TNPO1: variants seen among roughly 807,000 people sequenced by gnomAD.
TNPO1 encodes transportin-1.
A neutral mutation model predicts 119.5 loss-of-function variants in TNPO1; 8 were observed. The observed-to-expected ratio is 0.07, with a 90% confidence interval of 0.04 to 0.12. TNPO1 has a LOEUF of 0.12. Ranked by LOEUF, TNPO1 falls within the 10% of genes least tolerant of loss-of-function variation. TNPO1 has a pLI of 1.00. For missense variants in TNPO1, 576 were observed against 1,089.8 expected (o/e 0.53, Z 6.64); for synonymous variants, 362 against 363.0 (o/e 1.00, Z 0.03).
chr5:72,863,950 G>T (rs1313760149), intron 5 of TNPO1, among the ~76,000 whole-genome samples: 13 of 152,142 alleles, frequency 8.5e-5, no homozygotes, highest in Non-Finnish European at 2.9e-5. Flanking sequence ...TTGAGCTAGT[G>T]TACTACATAG....
chr5:72,879,134 G>A (rs926437226), intron 9 of TNPO1: 1 of 202,176 alleles, frequency 4.9e-6, no homozygotes, highest in Non-Finnish European at 1.1e-5. Context: ...TGGTTCTGGA[G>A]ACCCTGCTTT....
intron 5 of TNPO1, among the ~76,000 whole-genome samples, chr5:72,864,269 A>G (rs1746716448): frequency 6.6e-6 from 1 of 152,214 alleles, no homozygotes; most frequent in Non-Finnish European, 1.5e-5. Flanking sequence ...AAATATTTTC[A>G]GATTTAATAT....
chr5:72,906,261 T>G (rs1234507589), intron 24 of TNPO1, among the ~76,000 whole-genome samples: 2 of 117,592 alleles, frequency 1.7e-5, no homozygotes, highest in East Asian at 2.9e-4. Flanking sequence ...CATGTGCCCA[T>G]CACTTTTTTT....
intron 21 of TNPO1, 74 bp from the exon 22 acceptor site, chr5:72,900,900 A>G (rs2112488801): frequency 2.0e-6 from 2 of 986,132 alleles, no homozygotes; most frequent in East Asian, 2.6e-5. Context: ...TTATTCCATT[A>G]AATACTGTCC....
intron 1 of TNPO1, among the ~76,000 whole-genome samples, chr5:72,837,733 A>G (rs1321780866): frequency 3.3e-5 from 5 of 152,204 alleles, no homozygotes. Context: ...TGTGCAGGGA[A>G]CAAACATTAA....
Position 72,888,231 on chromosome 5 carries a change from T to C in TNPO1, c.1457T>C (p.Leu486Pro). 6.2e-7 allele frequency: 1 copy of C among 1,614,136 alleles called. No homozygotes were observed. The highest frequency in any genetic ancestry group is 8.5e-7 in the Non-Finnish European group (1 of 1,180,024). Reference protein sequence around the residue: ...WVVSQPPDTYLKPLMTELLKR... With the variant: ...WVVSQPPDTYPKPLMTELLKR... ...GTCAGCCAGCCGCCAGACACGTACC[T>C]GAAGCCATTAATGACAGAATTGCTA... Residue 486 changes from leucine (L) to proline (P), a missense_variant, in exon 13 of 25, where the codon CTG becomes CCG. By Grantham distance (98) the Leu-to-Pro change is moderately conservative. This residue lies in a region of TNPO1 where 310 missense variants were observed against 583.0 expected (regional missense o/e 0.53). Coordinates refer to ENST00000337273, the MANE Select transcript of TNPO1 (RefSeq NM_002270.4).
At chr5:72,872,327 G>A (rs1461183381) in intron 6 of TNPO1, among the ~76,000 whole-genome samples, 1 of 151,690 alleles carries the variant, frequency 6.6e-6, no homozygotes, top group Non-Finnish European at 1.5e-5. Flanking sequence ...AAATCTGTAG[G>A]CATCTAAAAA....
chr5:72,910,460 G>C lies in TNPO1; in HGVS notation c.*1787G>C, dbSNP rs1446101184. On this transcript the variant is annotated 3_prime_UTR_variant, in exon 25 of 25. Transcript: ENST00000337273. ...TTGCCTGAACAGTGTATCCCATGAT[G>C]ATGAAGGAAAATGGAGAGATTTTTC... is the stretch of plus-strand genomic sequence containing the variant. 1.3e-5 allele frequency: 2 copies of C among 152,708 alleles called. No individual in the cohort carries two copies. The highest frequency in any genetic ancestry group is 3.9e-4 in the East Asian group (2 of 5,188). The allele number at this position is 152,708 out of a possible 1,614,324, so 9.5% of individuals were successfully genotyped here. A position where few individuals can be genotyped will look rare whatever the true frequency, so the allele number is the denominator to read the frequency against.
At chr5:72,827,782 T>G (rs1228346653) in intron 1 of TNPO1, among the ~76,000 whole-genome samples, 1 of 151,910 alleles carries the variant, frequency 6.6e-6, no homozygotes, top group Non-Finnish European at 1.5e-5. Context: ...TAGCTGGGCA[T>G]GGTGGCATGT....
chr5:72,855,065 C>G (rs1014527161), intron 3 of TNPO1, among the ~76,000 whole-genome samples: 15 of 152,066 alleles, frequency 9.9e-5, no homozygotes, highest in Non-Finnish European at 2.2e-4. Context: ...ATCTTGGCTT[C>G]TCTGCTTGCA....
Position 72,855,936 on chromosome 5 carries a change from A to G in TNPO1, c.355+13A>G, listed in dbSNP as rs1745964966. 6 of 1,611,724 alleles carry G rather than the reference A, an allele frequency of 3.7e-6. No individual in the cohort carries two copies. Among genetic ancestry groups the G allele is most frequent in the Non-Finnish European group, 5.1e-6 (6 of 1,178,758 alleles). On this transcript the variant is annotated intron_variant, in intron 4 of 24. Coordinates refer to ENST00000337273, the MANE Select transcript of TNPO1 (RefSeq NM_002270.4). Reference sequence around the variant, plus strand: ...AGAGCCACTGTTGGTAAGTTATATTACAACAGTTTTGCTTACTTTGTTTGT... The same window carrying G: ...AGAGCCACTGTTGGTAAGTTATATTGCAACAGTTTTGCTTACTTTGTTTGT...
rs1748801415 is a variant in TNPO1, at chr5:72,888,283, A to G, written c.1509A>G (p.Arg503=). The G allele has an allele frequency of 1.2e-6, 2 of 1,614,108 alleles. No individual in the cohort carries two copies. The highest frequency in any genetic ancestry group is 1.7e-6 in the Non-Finnish European group (2 of 1,179,972). Residue 503 remains arginine (R), a synonymous_variant, in exon 13 of 25, where the codon AGA becomes AGG. Coordinates refer to ENST00000337273, the MANE Select transcript of TNPO1 (RefSeq NM_002270.4). ...LLKRILDSNK[R]VQEAACSAFA... is the part of the protein sequence containing the mutation. ...AGCGCATCCTGGACAGCAACAAGAG[A>G]GTACAAGAAGCTGCCTGCAGGTGGG...
chr5:72,848,306 T>C, intron 1 of TNPO1, 79 bp from the exon 2 acceptor site: 2 of 1,423,840 alleles, frequency 1.4e-6, no homozygotes, highest in Middle Eastern at 1.9e-4. Flanking sequence ...ACGGGTCAGC[T>C]GCGCGCGGGA....
At chr5:72,894,572 G>C (rs1346305888) in intron 18 of TNPO1, among the ~76,000 whole-genome samples, 1 of 152,192 alleles carries the variant, frequency 6.6e-6, no homozygotes, top group Non-Finnish European at 1.5e-5. Flanking sequence ...TTGGGAAACT[G>C]AGGCAGGAAA....
intron 1 of TNPO1, among the ~76,000 whole-genome samples, chr5:72,828,811 A>T (rs1025048864): frequency 2.0e-5 from 3 of 152,150 alleles, no homozygotes; most frequent in Non-Finnish European, 2.9e-5. Flanking sequence ...AGGTATTTGC[A>T]ATGATCGTTA....
In TNPO1 at chr5:72,865,583, G is replaced by A. The variant is rs767275063; in HGVS notation, c.463-13G>A. ...TTTAACAAATTCTGATAATTTAAAT[G>A]TGTCTCTTACAGGGAGCATTTGGTG... On this transcript the variant is annotated splice_polypyrimidine_tract_variant and intron_variant, in intron 5 of 24. Transcript: ENST00000337273. The A allele has an allele frequency of 1.2e-6, 2 of 1,606,340 alleles. No individual in the cohort carries two copies. Among genetic ancestry groups the A allele is most frequent in the African/African-American group, 1.3e-5 (1 of 74,486 alleles).
At chr5:72,901,375 C>T (rs1478355255) in intron 22 of TNPO1, among the ~76,000 whole-genome samples, 4 of 152,034 alleles carry the variant, frequency 2.6e-5, no homozygotes, top group African/African-American at 9.7e-5. Flanking sequence ...TACTTTGTCC[C>T]TGCCTCCCAT....
chr5:72,828,277 TG>T (rs1335098830), intron 1 of TNPO1, among the ~76,000 whole-genome samples: 1 of 152,266 alleles, frequency 6.6e-6, no homozygotes, highest in Admixed American at 6.5e-5. Flanking sequence ...TGGAGTACAA[TG>T]GGAGACAGTG....
At position 72,913,913 on chromosome 5, in the gene TNPO1, CG is replaced by C. The variant is rs1750720596; in HGVS notation, c.*5241del. 1 of 152,464 alleles carries C rather than the reference CG, an allele frequency of 6.6e-6. No individual in the cohort carries two copies. The highest frequency in any genetic ancestry group is 1.5e-5 in the Non-Finnish European group (1 of 67,952). 9.4% of individuals were successfully genotyped at this position (152,464 alleles called of 1,614,324 possible). A position where few individuals can be genotyped will look rare whatever the true frequency, so the allele number is the denominator to read the frequency against. ...CATCTTGTGAGAAGAGATGTTTAAACGTGGTAAATCACTTCATATTACAAAA... is the reference window on the plus strand; with the variant it reads ...CATCTTGTGAGAAGAGATGTTTAAACTGGTAAATCACTTCATATTACAAAA... On this transcript the variant is annotated 3_prime_UTR_variant, in exon 25 of 25. Transcript: ENST00000337273.
Sources: allele counts gnomAD v4.1 joint callset (sites outside exome capture counted in the v4.1 genomes callset), GRCh38; gene constraint gnomAD v4.1.1; regional missense constraint gnomAD v4.1.1; transcripts MANE v1.5; gene names NCBI Gene and HGNC (gene_info 2026-07-23, HGNC 2026-07-21).